Variants in RRBP1 observed in about 807,000 individuals in gnomAD.
RRBP1 encodes the protein ribosome-binding protein 1.
Under a neutral mutation model 165.2 loss-of-function variants are expected in RRBP1, and 94 were observed. That is an observed-to-expected ratio of 0.57 (90% confidence interval 0.48 to 0.68). The LOEUF (loss-of-function observed/expected upper bound fraction) is 0.68, where lower values mean the gene tolerates loss of function less well. Among genes scored for constraint, RRBP1 ranks in the 30% least tolerant of loss-of-function variants. The probability of loss-of-function intolerance (pLI) is 0.00; values close to 1 mark genes in which losing one functional copy is unlikely to be tolerated. For missense variants in RRBP1, 1,676 were observed against 1,763.0 expected (o/e 0.95, Z 0.88); for synonymous variants, 680 against 714.5 (o/e 0.95, Z 0.77).
intron 2 of RRBP1, among the ~76,000 whole-genome samples, chr20:17,661,597 T>C (rs1037700397): frequency 6.6e-6 from 1 of 152,206 alleles, no homozygotes; most frequent in African/African-American, 2.4e-5. Context: ...GTGTATTTAT[T>C]TGGATACATT....
At chr20:17,627,277 T>A in intron 11 of RRBP1, 71 bp downstream of exon 11, 1 of 1,533,502 alleles carries the variant, frequency 6.5e-7, no homozygotes, top group Non-Finnish European at 8.9e-7. Flanking sequence ...CTGAAAACCC[T>A]GGCCCCCCAA....
intron 12 of RRBP1, 45 bp from the exon 13 acceptor site, chr20:17,624,713 A>C: frequency 9.6e-6 from 13 of 1,359,838 alleles, no homozygotes; most frequent in Non-Finnish European, 1.1e-5. Context: ...CACTGGCAGC[A>C]CGGGCTGCCT....
At chr20:17,635,499 G>T in intron 7 of RRBP1, 47 bp downstream of exon 7, 2 of 1,414,960 alleles carry the variant, frequency 1.4e-6, no homozygotes, top group Non-Finnish European at 2.0e-6. Context: ...AGCCTTCCTC[G>T]CTCCAGGGCC....
intron 2 of RRBP1, among the ~76,000 whole-genome samples, chr20:17,679,490 G>T (rs1182133456): frequency 6.6e-6 from 1 of 152,214 alleles, no homozygotes; most frequent in Non-Finnish European, 1.5e-5. Context: ...CAGAACTGTT[G>T]ATCCTCTATG....
chr20:17,614,592 G>A (rs890102113), intron 24 of RRBP1, 145 bp downstream of exon 24: 19 of 1,017,562 alleles, frequency 1.9e-5, no homozygotes, highest in African/African-American at 3.2e-5. Context: ...CACTACCTCC[G>A]CCCAGCTCTG....
intron 5 of RRBP1, among the ~76,000 whole-genome samples, chr20:17,640,871 C>T (rs1049459986): frequency 6.6e-6 from 1 of 152,234 alleles, no homozygotes; most frequent in Admixed American, 6.5e-5. Flanking sequence ...TGTGCTCGAG[C>T]AGACAAAGGC....
chr20:17,624,013 C>T (rs146339590), intron 13 of RRBP1, among the ~76,000 whole-genome samples: 52 of 152,264 alleles, frequency 3.4e-4, no homozygotes, highest in Admixed American at 9.8e-4. Context: ...GACAAAAGGA[C>T]ACACAACAGA....
intron 7 of RRBP1, among the ~76,000 whole-genome samples, chr20:17,634,515 C>T (rs1316714286): frequency 6.6e-6 from 1 of 152,176 alleles, no homozygotes; most frequent in Non-Finnish European, 1.5e-5. Context: ...TCGTGTGGTG[C>T]CCTCAAGATG....
At chr20:17,622,096 T>A in intron 13 of RRBP1, 149 bp from the exon 14 acceptor site, 1 of 651,874 alleles carries the variant, frequency 1.5e-6, no homozygotes, top group South Asian at 1.8e-5. Context: ...AAGGAGAAGA[T>A]GAGGCTCCAT....
At position 17,658,931 on chromosome 20, in the gene RRBP1, T is replaced by C; in HGVS notation, c.1577A>G (p.Gln526Arg). 6.2e-7 allele frequency: 1 copy of C among 1,613,106 alleles called. No individual in the cohort carries two copies. The highest frequency in any genetic ancestry group is 8.5e-7 in the Non-Finnish European group (1 of 1,179,862). The change falls in exon 3 of 25, where the codon CAG (glutamine) becomes CGG (arginine). Residue 526 changes from glutamine (Q) to arginine (R), a missense_variant. By Grantham distance (43) the Gln-to-Arg change is conservative. Coordinates refer to ENST00000377813, the MANE Select transcript of RRBP1 (RefSeq NM_001365613.2). ...GGGACTCCTTTCTGCCTTTTTGCCC[T>C]GAGCCCCTTCTGTCTTTTTACCCTG... ...QNQGKKTEGA[Q>R]GKKAERSPNQ...
At chr20:17,646,606 G>A (rs767197628) in intron 3 of RRBP1, among the ~76,000 whole-genome samples, 1 of 152,186 alleles carries the variant, frequency 6.6e-6, no homozygotes, top group South Asian at 2.1e-4. Flanking sequence ...CTGGCGCAGG[G>A]TAACGCACAG....
At chr20:17,669,062 A>G (rs1226735827) in intron 2 of RRBP1, among the ~76,000 whole-genome samples, 1 of 152,204 alleles carries the variant, frequency 6.6e-6, no homozygotes, top group Non-Finnish European at 1.5e-5. Flanking sequence ...AGTAACAAAG[A>G]GTCCGAAAAA....
rs140872351 is a variant in RRBP1, at chr20:17,615,484, G to A, written c.3997C>T (p.Arg1333Cys). The part of the protein sequence containing the change: ...CRLQEELEKL[R>C]TAGPLESSET... Reference sequence around the variant, plus strand: ...GAAGACTCTAGGGGGCCGGCTGTGCGGAGCTTCTCCAATTCTTCTTGTAAC... The same window carrying A: ...GAAGACTCTAGGGGGCCGGCTGTGCAGAGCTTCTCCAATTCTTCTTGTAAC... Residue 1333 changes from arginine (R) to cysteine (C), a missense_variant, in exon 23 of 25, where the codon CGC (arginine) becomes TGC (cysteine). Arg to Cys is a radical substitution (Grantham distance 180). This residue lies in a region of RRBP1 where 1,184 missense variants were observed against 1,167.1 expected (regional missense o/e 1.01). Transcript: ENST00000377813. 3.4e-5 allele frequency: 55 copies of A among 1,607,796 alleles called. No individual in the cohort carries two copies. Among genetic ancestry groups the A allele is most frequent in the Non-Finnish European group, 4.1e-5 (48 of 1,178,026 alleles).
At chr20:17,658,564 C>T (rs1320216106) in intron 3 of RRBP1, 32 bp downstream of exon 3, 1 of 1,537,320 alleles carries the variant, frequency 6.5e-7, no homozygotes. Flanking sequence ...ACAGCCTTTC[C>T]TTCTAAGTTC....
intron 6 of RRBP1, 117 bp downstream of exon 6, chr20:17,636,460 G>A (rs2036250165): frequency 4.0e-6 from 5 of 1,248,198 alleles, no homozygotes; most frequent in African/African-American, 1.5e-5. Flanking sequence ...ACAGACCCCT[G>A]TGGGCATCCT....
intron 7 of RRBP1, among the ~76,000 whole-genome samples, chr20:17,634,119 G>A (rs2036204186): frequency 6.6e-6 from 1 of 152,250 alleles, no homozygotes; most frequent in Non-Finnish European, 1.5e-5. Context: ...CTCAGGAGCT[G>A]GGAGGAATGT....
intron 5 of RRBP1, among the ~76,000 whole-genome samples, chr20:17,641,259 G>C (rs1424398824): frequency 6.6e-6 from 1 of 152,242 alleles, no homozygotes; most frequent in Non-Finnish European, 1.5e-5. Context: ...GCTGTTCAGA[G>C]TGCAAATGCT....
Position 17,670,584 on chromosome 20 carries a change from C to G in RRBP1, c.-22+9415G>C, listed in dbSNP as rs79780356. 4.6e-5 allele frequency among the ~76,000 whole-genome samples: 7 copies of G among 152,234 alleles called. No homozygotes were observed. In the East Asian group the frequency reaches 1.3e-3, roughly 29 times the overall value. ...TAATCTTATCCTTGTTCCAGCCTCT[C>G]CAACATTATTCTTTTACATGTATTT... On this transcript the variant is annotated intron_variant, in intron 2 of 24. Transcript: ENST00000377813.
chr20:17,619,853 G>C (rs948270833), intron 18 of RRBP1, 125 bp from the exon 19 acceptor site: 1 of 617,656 alleles, frequency 1.6e-6, no homozygotes. Context: ...AGGCCCACCA[G>C]CTACCAAGCA....
Sources: gnomAD v4.1 joint callset for allele counts (sites outside exome capture counted in the v4.1 genomes callset) on GRCh38, gnomAD v4.1.1 for gene constraint, gnomAD v4.1.1 regional missense constraint, MANE v1.5 for transcripts, NCBI Gene and HGNC (gene_info 2026-07-23, HGNC 2026-07-21) for gene names.